The following NBEA variants were observed in gnomAD, a reference collection of about 807,000 sequenced individuals.
NBEA encodes neurobeachin.
Under a neutral mutation model 343.4 loss-of-function variants are expected in NBEA, and 44 were observed. The observed-to-expected ratio is 0.13, with a 90% confidence interval of 0.10 to 0.16. The LOEUF is 0.16. Ranked by LOEUF, NBEA falls within the 10% of genes least tolerant of loss-of-function variation. The pLI is 1.00. For synonymous variants in NBEA, 1,175 were observed against 1,238.7 expected (o/e 0.95, Z 1.08); for missense variants, 2,555 against 3,631.3 (o/e 0.70, Z 7.62).
intron 38 of NBEA, among the ~76,000 whole-genome samples, chr13:35,417,749 G>A (rs2044013946): frequency 6.6e-6 from 1 of 152,064 alleles, no homozygotes; most frequent in South Asian, 2.1e-4. Context: ...TGTCTATTAG[G>A]TCCTCTTGGT....
rs202004123 is a variant in NBEA, at chr13:35,118,729, AT to A, written c.2243+264del. 4.1e-3 allele frequency among the ~76,000 whole-genome samples: 617 copies of A among 151,382 alleles called. 4 individuals are homozygous for A. The highest frequency in any genetic ancestry group is 0.039 in the South Asian group (186 of 4,798). On this transcript the variant is annotated intron_variant, in intron 16 of 58. Transcript: ENST00000379939. ...GGACATTACAAATTGTGAATAGAGC[AT>A]TTTTTTTTCCAAGAAGACACGAAAA...
intron 17 of NBEA, among the ~76,000 whole-genome samples, chr13:35,136,087 CA>C (rs1336963021): frequency 2.0e-5 from 3 of 152,032 alleles, no homozygotes; most frequent in Non-Finnish European, 4.4e-5. Flanking sequence ...TCCAAAACAA[CA>C]AATTCAAATG....
intron 1 of NBEA, among the ~76,000 whole-genome samples, chr13:34,977,562 GC>G (rs2060223427): frequency 6.6e-6 from 1 of 152,120 alleles, no homozygotes; most frequent in African/African-American, 2.4e-5. Context: ...TCCCACCTCG[GC>G]CTCCCAAAAT....
At chr13:35,387,382 T>C (rs1594441980) in intron 38 of NBEA, among the ~76,000 whole-genome samples, 1 of 152,168 alleles carries the variant, frequency 6.6e-6, no homozygotes, top group African/African-American at 2.4e-5. Context: ...GAATTGATTT[T>C]TTTTCCCTTT....
chr13:35,569,148 A>G (rs1195363764), intron 45 of NBEA, among the ~76,000 whole-genome samples: 2 of 152,218 alleles, frequency 1.3e-5, no homozygotes, highest in African/African-American at 4.8e-5. Context: ...GTTTCAAATA[A>G]TGATGATGAA....
chr13:35,349,463 C>A (rs1193578561), intron 37 of NBEA, among the ~76,000 whole-genome samples: 1 of 151,992 alleles, frequency 6.6e-6, no homozygotes, highest in Non-Finnish European at 1.5e-5. Context: ...GTTATTCTAA[C>A]CTACTCAAGA....
intron 36 of NBEA, among the ~76,000 whole-genome samples, chr13:35,324,752 C>T (rs889914586): frequency 2.0e-5 from 3 of 152,026 alleles, no homozygotes; most frequent in African/African-American, 7.2e-5. Flanking sequence ...TGTTTTCAAG[C>T]TAAATGATAT....
At chr13:35,463,725 T>C (rs551647713) in intron 40 of NBEA, among the ~76,000 whole-genome samples, 1 of 151,978 alleles carries the variant, frequency 6.6e-6, no homozygotes. Context: ...TTGGCCTAAG[T>C]AGAGGTTGGA....
intron 1 of NBEA, among the ~76,000 whole-genome samples, chr13:35,028,460 A>G (rs1177245521): frequency 2.0e-5 from 3 of 151,856 alleles, no homozygotes; most frequent in Non-Finnish European, 4.4e-5. Context: ...GTTCCCTGAT[A>G]GTATATAGAA....
Position 34,962,059 on chromosome 13 carries a change from GTTTTA to G in NBEA, c.294+18951_294+18955del, listed in dbSNP as rs561213917. 3.7e-3 allele frequency among the ~76,000 whole-genome samples: 570 copies of G among 152,038 alleles called. 3 individuals are homozygous for G. Among genetic ancestry groups the G allele is most frequent in the African/African-American group, 0.013 (550 of 41,496 alleles). On this transcript the variant is annotated intron_variant, in intron 1 of 58. Transcript: ENST00000379939. ...GAGTTAATACAAGTTAATTTCACCT[GTTTTA>G]TTTTACATTTTTCTTTTCATGTGGC...
At chr13:35,322,417 G>A (rs1219805778) in intron 36 of NBEA, among the ~76,000 whole-genome samples, 5 of 152,052 alleles carry the variant, frequency 3.3e-5, no homozygotes, top group Non-Finnish European at 7.4e-5. Context: ...CTCACCCACC[G>A]TGGACTGCAC....
intron 34 of NBEA, among the ~76,000 whole-genome samples, chr13:35,282,736 GT>G: frequency 6.6e-6 from 1 of 152,092 alleles, no homozygotes. Context: ...AAAAATAATT[GT>G]TTTATATTAT....
chr13:35,285,925 C>A (rs2035393927), intron 34 of NBEA, among the ~76,000 whole-genome samples: 1 of 152,164 alleles, frequency 6.6e-6, no homozygotes, highest in African/African-American at 2.4e-5. Context: ...TCCAACTCCA[C>A]TTTGCTGACG....
intron 48 of NBEA, among the ~76,000 whole-genome samples, chr13:35,613,837 G>A (rs2082623998): frequency 6.6e-6 from 1 of 152,126 alleles, no homozygotes; most frequent in African/African-American, 2.4e-5. Flanking sequence ...TTGGGCTCAA[G>A]TAATCCTCCC....
At chr13:35,318,085 G>C (rs1163648023) in intron 36 of NBEA, among the ~76,000 whole-genome samples, 4 of 151,582 alleles carry the variant, frequency 2.6e-5, no homozygotes, top group South Asian at 4.2e-4. Flanking sequence ...ATTTGAATAC[G>C]CTTTATTTCT....
At chr13:35,580,868 T>A (rs913190509) in intron 45 of NBEA, among the ~76,000 whole-genome samples, 2 of 152,210 alleles carry the variant, frequency 1.3e-5, no homozygotes, top group Admixed American at 1.3e-4. Flanking sequence ...AACACTGCAA[T>A]AACATGACTT....
intron 41 of NBEA, among the ~76,000 whole-genome samples, chr13:35,481,817 T>C (rs1429241145): frequency 6.6e-6 from 1 of 151,926 alleles, no homozygotes; most frequent in Non-Finnish European, 1.5e-5. Flanking sequence ...TGTATGATTT[T>C]ACATACATGA....
chr13:35,274,907 T>G (rs917730285), intron 34 of NBEA, among the ~76,000 whole-genome samples: 5 of 152,142 alleles, frequency 3.3e-5, no homozygotes, highest in Non-Finnish European at 7.4e-5. Context: ...GAAGAATCAA[T>G]ATCATGAAAA....
chr13:35,183,587 A>G (rs1456054870), intron 29 of NBEA, among the ~76,000 whole-genome samples: 1 of 152,036 alleles, frequency 6.6e-6, no homozygotes, highest in East Asian at 1.9e-4. Context: ...TTTTGCTTTT[A>G]ATTTTATTAT....
Sources: gnomAD v4.1 joint callset for allele counts (sites outside exome capture counted in the v4.1 genomes callset) on GRCh38, gnomAD v4.1.1 for gene constraint, MANE v1.5 for transcripts, NCBI Gene and HGNC (gene_info 2026-07-23, HGNC 2026-07-21) for gene names.